ANK1: variants seen among roughly 807,000 people sequenced by gnomAD.
ANK1 encodes ankyrin 1.
A neutral mutation model predicts 210.4 loss-of-function variants in ANK1; 51 were observed. The observed-to-expected ratio is 0.24, with a 90% CI of 0.19 to 0.31. The LOEUF (loss-of-function observed/expected upper bound fraction) is 0.31. Among genes scored for constraint, ANK1 ranks in the 10% least tolerant of loss-of-function variants. The probability of loss-of-function intolerance (pLI) is 1.00; values close to 1 mark genes in which losing one functional copy is unlikely to be tolerated. For synonymous variants in ANK1, 967 were observed against 1,025.9 expected (o/e 0.94, Z 1.10); for missense variants, 2,051 against 2,504.4 (o/e 0.82, Z 3.86).
chr8:41,724,476 T>C lies in ANK1; in HGVS notation c.691A>G (p.Ser231Gly). 1 of 1,591,206 alleles carries C rather than the reference T, an allele frequency of 6.3e-7. No individual in the cohort carries two copies. Among genetic ancestry groups the C allele is most frequent in the Non-Finnish European group, 8.6e-7 (1 of 1,168,760 alleles). ...GTTACCTGTGGTGTGAAATTGACGC[T>C]GGCTCCTCTGTTGAGGAGCAACTGG... The part of the protein sequence containing the change: ...VAQLLLNRGA[S>G]VNFTPQNGIT... The change falls in exon 7 of 43, where the codon AGC becomes GGC. Residue 231 changes from serine (S) to glycine (G), a missense_variant. Ser to Gly is a moderately conservative substitution (Grantham distance 56). Coordinates refer to ENST00000289734, the MANE Select transcript of ANK1 (RefSeq NM_000037.4).
intron 21 of ANK1, 119 bp downstream of exon 21, chr8:41,701,933 G>T: frequency 1.8e-6 from 2 of 1,081,198 alleles, no homozygotes; most frequent in Non-Finnish European, 2.8e-6. Context: ...GTCGGGCGCG[G>T]CGCCTCCGAC....
At chr8:41,742,708 G>A (rs775047840) in intron 2 of ANK1, among the ~76,000 whole-genome samples, 5 of 152,220 alleles carry the variant, frequency 3.3e-5, no homozygotes, top group African/African-American at 4.8e-5. Flanking sequence ...GATATTATGG[G>A]GATGGAAGGC....
At chr8:41,838,767 A>AATAATAATAATAAT (rs1808289381) in intron 1 of ANK1, among the ~76,000 whole-genome samples, 1 of 140,512 alleles carries the variant, frequency 7.1e-6, no homozygotes, top group Non-Finnish European at 1.5e-5. Context: ...TCCGTCTCAA[A>AATAATAATAATAAT]AATAATAATA....
At chr8:41,657,926 G>A (rs549697694) in intron 42 of ANK1, among the ~76,000 whole-genome samples, 9 of 152,184 alleles carry the variant, frequency 5.9e-5, no homozygotes, top group Non-Finnish European at 1.3e-4. Flanking sequence ...CTGTTGCCCA[G>A]GCTAGCGTGC....
intron 1 of ANK1, among the ~76,000 whole-genome samples, chr8:41,884,852 C>A (rs376645202): frequency 7.9e-5 from 12 of 152,024 alleles, no homozygotes; most frequent in African/African-American, 2.9e-4. Flanking sequence ...AACAAACAAA[C>A]AAGGGATGAG....
chr8:41,791,318 C>A (rs921291970), intron 1 of ANK1, among the ~76,000 whole-genome samples: 2 of 150,390 alleles, frequency 1.3e-5, no homozygotes, highest in Non-Finnish European at 3.0e-5. Context: ...ATTACAGGCG[C>A]CTACCACCAT....
At chr8:41,837,845 T>C (rs1336094859) in intron 1 of ANK1, among the ~76,000 whole-genome samples, 5 of 151,968 alleles carry the variant, frequency 3.3e-5, no homozygotes, top group Non-Finnish European at 5.9e-5. Flanking sequence ...CACTACAGCC[T>C]GGGCAACAGA....
chr8:41,795,353 A>G (rs1385011474), intron 1 of ANK1, among the ~76,000 whole-genome samples: 1 of 152,036 alleles, frequency 6.6e-6, no homozygotes, highest in Non-Finnish European at 1.5e-5. Flanking sequence ...ACTTAAAAAT[A>G]CAAAAATTAT....
intron 3 of ANK1, 101 bp downstream of exon 3, chr8:41,733,870 A>G: frequency 1.1e-6 from 1 of 950,702 alleles, no homozygotes; most frequent in Non-Finnish European, 1.7e-6. Flanking sequence ...AGAGAAATTC[A>G]GATGCATGCC....
At chr8:41,838,100 C>G (rs1196898009) in intron 1 of ANK1, among the ~76,000 whole-genome samples, 1 of 152,208 alleles carries the variant, frequency 6.6e-6, no homozygotes, top group African/African-American at 2.4e-5. Flanking sequence ...ATGTTAATAA[C>G]ATAAATTGCC....
chr8:41,826,539 C>T (rs1433516690), intron 1 of ANK1, among the ~76,000 whole-genome samples: 1 of 152,194 alleles, frequency 6.6e-6, no homozygotes, highest in Non-Finnish European at 1.5e-5. Flanking sequence ...TCCCACCGTC[C>T]CACCAGCACC....
At chr8:41,787,455 C>T (rs1028104677) in intron 1 of ANK1, among the ~76,000 whole-genome samples, 5 of 152,160 alleles carry the variant, frequency 3.3e-5, no homozygotes, top group Non-Finnish European at 7.3e-5. Flanking sequence ...CCCCCAACCC[C>T]CAGCCCAACC....
chr8:41,688,064 A>T, intron 35 of ANK1, 92 bp downstream of exon 35: 3 of 1,405,046 alleles, frequency 2.1e-6, no homozygotes, highest in Non-Finnish European at 3.0e-6. Context: ...TGATAAAAGG[A>T]GGGTTAGAAA....
rs545381372 is a variant in ANK1, at chr8:41,837,761, C to T, written c.126+58594G>A. On this transcript the variant is annotated intron_variant, in intron 1 of 42. Coordinates refer to the ANK1 transcript ENST00000265709. ...TGGCAGGCACCTGTAATCCCAGCTA[C>T]TCAGGAGGCTGAGGCAGGAGAATCA... is the stretch of plus-strand genomic sequence containing the variant. 8.5e-5 allele frequency among the ~76,000 whole-genome samples: 13 copies of T among 152,242 alleles called. No individual in the cohort carries two copies. In the East Asian group the frequency reaches 2.3e-3, roughly 27 times the overall value.
intron 1 of ANK1, among the ~76,000 whole-genome samples, chr8:41,893,594 G>A (rs1427411023): frequency 6.6e-6 from 1 of 152,224 alleles, no homozygotes; most frequent in East Asian, 1.9e-4. Context: ...CTACAAACGG[G>A]AGGGATGCGG....
At chr8:41,862,421 T>C (rs530750916) in intron 1 of ANK1, among the ~76,000 whole-genome samples, 2 of 152,122 alleles carry the variant, frequency 1.3e-5, no homozygotes, top group South Asian at 4.2e-4. Flanking sequence ...AACCACATGC[T>C]CCCAGCCTGC....
At chr8:41,865,429 G>C (rs1359101166) in intron 1 of ANK1, among the ~76,000 whole-genome samples, 1 of 151,950 alleles carries the variant, frequency 6.6e-6, no homozygotes, top group Non-Finnish European at 1.5e-5. Context: ...CTGGGGCTCA[G>C]TAGATACTGT....
intron 31 of ANK1, 34 bp from the exon 32 acceptor site, chr8:41,690,633 G>A: frequency 6.2e-7 from 1 of 1,604,980 alleles, no homozygotes; most frequent in South Asian, 1.1e-5. Flanking sequence ...CAGCTTGTCA[G>A]GGAGAGAAGG....
chr8:41,654,585 C>CT lies in ANK1; in HGVS notation c.*1204dup, dbSNP rs1805086683. 6.5e-6 allele frequency: 1 copy of CT among 152,672 alleles called. No individual in the cohort carries two copies. Among genetic ancestry groups the CT allele is most frequent in the Non-Finnish European group, 1.5e-5 (1 of 68,058 alleles). 9.5% of individuals were successfully genotyped at this position (152,672 alleles called of 1,614,324 possible). A position where few individuals can be genotyped will look rare whatever the true frequency, so the allele number is the denominator to read the frequency against. ...GACCTGGCAGATACATTCACTAGCC[C>CT]TACTCCTTTCCTTCCTCTTTCACTG... On this transcript the variant is annotated 3_prime_UTR_variant, in exon 43 of 43. Coordinates refer to ENST00000289734, the MANE Select transcript of ANK1 (RefSeq NM_000037.4).
Sources: gnomAD v4.1 joint callset for allele counts (sites outside exome capture counted in the v4.1 genomes callset) on GRCh38, gnomAD v4.1.1 for gene constraint, MANE v1.5 for transcripts, NCBI Gene and HGNC (gene_info 2026-07-23, HGNC 2026-07-21) for gene names.